The following SPSB4 variants were observed in gnomAD, a reference collection of about 807,000 sequenced individuals.
The protein encoded by SPSB4 is SPRY domain-containing SOCS box protein 4.
In SPSB4, 21 loss-of-function variants were observed where a neutral mutation model predicts 20.9. The observed-to-expected ratio is 1.01, with a 90% CI of 0.71 to 1.45. The LOEUF (loss-of-function observed/expected upper bound fraction) is 1.45. SPSB4 is among the 40% of genes most tolerant of loss of function. The pLI is 0.00. For missense variants in SPSB4, 399 were observed against 399.2 expected (o/e 1.00, Z 0.00); for synonymous variants, 207 against 183.8 (o/e 1.13, Z -1.02).
At chr3:141,074,642 C>T (rs1026519173) in intron 2 of SPSB4, among the ~76,000 whole-genome samples, 1 of 152,210 alleles carries the variant, frequency 6.6e-6, no homozygotes, top group African/African-American at 2.4e-5. Flanking sequence ...TCAAGTGTTT[C>T]TCTAAAAGGC....
At chr3:141,076,252 C>T (rs928366924) in intron 2 of SPSB4, among the ~76,000 whole-genome samples, 2 of 152,218 alleles carry the variant, frequency 1.3e-5, no homozygotes, top group South Asian at 2.1e-4. Context: ...GCCCTGCTCC[C>T]GACAAGGCAG....
chr3:141,109,329 C>G (rs1427909828), intron 2 of SPSB4, among the ~76,000 whole-genome samples: 1 of 152,028 alleles, frequency 6.6e-6, no homozygotes. Flanking sequence ...GGTGGGAGCT[C>G]AGTTGTTAGT....
chr3:141,119,624 G>T (rs1219400312), intron 2 of SPSB4, among the ~76,000 whole-genome samples: 1 of 151,932 alleles, frequency 6.6e-6, no homozygotes, highest in Admixed American at 6.6e-5. Flanking sequence ...ATTAGCTGTG[G>T]GTTTGTCATA....
At chr3:141,060,084 C>T (rs1449483549) in intron 1 of SPSB4, among the ~76,000 whole-genome samples, 1 of 152,188 alleles carries the variant, frequency 6.6e-6, no homozygotes, top group East Asian at 1.9e-4. Flanking sequence ...TGTCTATTTA[C>T]TTGCCCACCT....
chr3:141,054,707 C>A (rs560373349), intron 1 of SPSB4, among the ~76,000 whole-genome samples: 1 of 152,182 alleles, frequency 6.6e-6, no homozygotes, highest in South Asian at 2.1e-4. Context: ...GGTTCATGCC[C>A]GTAATCCCAG....
intron 2 of SPSB4, among the ~76,000 whole-genome samples, chr3:141,074,959 A>G (rs1457822465): frequency 2.0e-5 from 3 of 152,214 alleles, no homozygotes. Context: ...CTGGCAGCCA[A>G]TGCAAGACCC....
In SPSB4 at chr3:141,084,087, G is replaced by T. The variant is rs551190242; in HGVS notation, c.694+17289G>T. On this transcript the variant is annotated intron_variant, in intron 2 of 2. Coordinates refer to ENST00000310546, the MANE Select transcript of SPSB4 (RefSeq NM_080862.3). ...GATGAGGCCGCAGTGTGGGAAGCCC[G>T]GCGTCGCTGGGTAGAGCTCATGTGG... 7.9e-5 allele frequency among the ~76,000 whole-genome samples: 12 copies of T among 152,300 alleles called. No individual in the cohort carries two copies. The South Asian group carries it at 2.5e-3, about 32-fold the overall frequency.
intron 2 of SPSB4, among the ~76,000 whole-genome samples, chr3:141,139,255 A>G (rs2107807457): frequency 6.6e-6 from 1 of 152,200 alleles, no homozygotes; most frequent in East Asian, 1.9e-4. Context: ...GGTTTCCTGA[A>G]CACAGCACAC....
intron 2 of SPSB4, among the ~76,000 whole-genome samples, chr3:141,081,498 C>G (rs1260079520): frequency 1.3e-5 from 2 of 152,148 alleles, no homozygotes; most frequent in Non-Finnish European, 2.9e-5. Flanking sequence ...AAGATTTAGC[C>G]CAGATACCAG....
intron 2 of SPSB4, among the ~76,000 whole-genome samples, chr3:141,125,127 C>T (rs1046449586): frequency 6.6e-6 from 1 of 152,168 alleles, no homozygotes; most frequent in Non-Finnish European, 1.5e-5. Context: ...AAACCATTAT[C>T]GATCACCCTG....
At chr3:141,143,926 T>C (rs1390996830) in intron 2 of SPSB4, among the ~76,000 whole-genome samples, 3 of 152,222 alleles carry the variant, frequency 2.0e-5, no homozygotes, top group Non-Finnish European at 4.4e-5. Flanking sequence ...AATATATAAA[T>C]GTAAGTAGAC....
At chr3:141,071,109 T>C (rs1016832449) in intron 2 of SPSB4, among the ~76,000 whole-genome samples, 3 of 152,226 alleles carry the variant, frequency 2.0e-5, no homozygotes, top group African/African-American at 7.2e-5. Context: ...TCCCCAGCAG[T>C]GGCCATGGAT....
intron 2 of SPSB4, among the ~76,000 whole-genome samples, chr3:141,140,919 C>T (rs1318719294): frequency 2.6e-5 from 4 of 152,242 alleles, no homozygotes. Flanking sequence ...CTGTGCCCTG[C>T]CCCCAGAGGT....
At chr3:141,054,742 G>T (rs1347786276) in intron 1 of SPSB4, among the ~76,000 whole-genome samples, 1 of 152,348 alleles carries the variant, frequency 6.6e-6, no homozygotes, top group East Asian at 1.9e-4. Context: ...GAGGCGGGGG[G>T]ATCGCAAGGT....
chr3:141,084,069 C>G (rs1274690175), intron 2 of SPSB4, among the ~76,000 whole-genome samples: 1 of 152,174 alleles, frequency 6.6e-6, no homozygotes. Flanking sequence ...GTGGATGAGG[C>G]CGCAGTGTGG....
intron 2 of SPSB4, among the ~76,000 whole-genome samples, chr3:141,137,802 T>C (rs1337612805): frequency 1.3e-5 from 2 of 152,230 alleles, no homozygotes; most frequent in South Asian, 4.1e-4. Context: ...TTCTCTTTTT[T>C]TGTGTGTCTC....
At chr3:141,141,692 G>A (rs774751348) in intron 2 of SPSB4, among the ~76,000 whole-genome samples, 23 of 151,892 alleles carry the variant, frequency 1.5e-4, no homozygotes, top group Non-Finnish European at 2.9e-4. Flanking sequence ...TTTTTTTGGT[G>A]GCAATTTTTT....
chr3:141,121,469 G>A (rs1028977326), intron 2 of SPSB4, among the ~76,000 whole-genome samples: 6 of 152,128 alleles, frequency 3.9e-5, no homozygotes, highest in South Asian at 2.1e-4. Context: ...GCCTTGCTAG[G>A]TTGGGGAAGT....
chr3:141,142,431 A>C (rs931588088), intron 2 of SPSB4, among the ~76,000 whole-genome samples: 2 of 152,212 alleles, frequency 1.3e-5, no homozygotes, highest in African/African-American at 4.8e-5. Context: ...TGATTTTCTT[A>C]AATTTATTGA....
Sources: allele counts gnomAD v4.1 joint callset (sites outside exome capture counted in the v4.1 genomes callset), GRCh38; gene constraint gnomAD v4.1.1; transcripts MANE v1.5; gene names NCBI Gene and HGNC (gene_info 2026-07-23, HGNC 2026-07-21).